The following DOCK3 variants were observed in gnomAD, a reference collection of about 807,000 sequenced individuals.
DOCK3 encodes the protein dedicator of cytokinesis 3.
DOCK3 carries 60 observed loss-of-function variants against 265.6 expected under a neutral mutation model. That is an observed-to-expected ratio of 0.23 (90% CI 0.18 to 0.28). The LOEUF (loss-of-function observed/expected upper bound fraction) is 0.28, where lower values mean the gene tolerates loss of function less well. Ranked by LOEUF, DOCK3 falls within the 10% of genes least tolerant of loss-of-function variation. The pLI is 1.00. For missense variants in DOCK3, 1,981 were observed against 2,594.3 expected, an observed-to-expected ratio of 0.76 and a Z score of 5.14; for synonymous variants, 881 against 938.0, an observed-to-expected ratio of 0.94 and a Z score of 1.11.
intron 5 of DOCK3, among the ~76,000 whole-genome samples, chr3:51,008,627 C>T (rs1014146891): frequency 2.6e-5 from 4 of 152,186 alleles, no homozygotes; most frequent in African/African-American, 7.2e-5. Flanking sequence ...ATTTCTTTCT[C>T]TTGCCTGATT....
chr3:50,972,996 G>A lies in DOCK3; in HGVS notation c.315+38919G>A, dbSNP rs118098222. Reference sequence around the variant, plus strand: ...TTCACTGAATCTGTAGGTTTTGGGGGAAGTATGGTCATTTTAACAATATTC... The same window carrying A: ...TTCACTGAATCTGTAGGTTTTGGGGAAAGTATGGTCATTTTAACAATATTC... On this transcript the variant is annotated intron_variant, in intron 5 of 52. Coordinates refer to ENST00000266037, the MANE Select transcript of DOCK3 (RefSeq NM_004947.5). Among the ~76,000 whole-genome samples the A allele has an allele frequency of 8.0e-4, 102 of 127,206 alleles. 1 individual carries two copies. The East Asian group carries it at 0.022, about 28-fold the overall frequency. 83.5% of individuals were successfully genotyped at this position (127,206 alleles called of 152,430 possible). A position where few individuals can be genotyped will look rare whatever the true frequency, so the allele number is the denominator to read the frequency against.
intron 22 of DOCK3, among the ~76,000 whole-genome samples, chr3:51,257,301 A>G (rs1337367587): frequency 1.3e-5 from 2 of 152,170 alleles, no homozygotes; most frequent in African/African-American, 2.4e-5. Context: ...CATAGGATGC[A>G]TGCTCCTGGC....
chr3:51,227,814 A>C (rs1458369941), intron 16 of DOCK3, among the ~76,000 whole-genome samples, 168 bp from the exon 17 acceptor site: 1 of 152,172 alleles, frequency 6.6e-6, no homozygotes, highest in Non-Finnish European at 1.5e-5. Flanking sequence ...CTTGAGTATG[A>C]ATGGAAACTC....
intron 3 of DOCK3, among the ~76,000 whole-genome samples, chr3:50,854,087 T>C (rs928041265): frequency 6.6e-6 from 1 of 152,164 alleles, no homozygotes; most frequent in Non-Finnish European, 1.5e-5. Flanking sequence ...TTTTTTCACG[T>C]ATGTTGGCTG....
intron 1 of DOCK3, among the ~76,000 whole-genome samples, chr3:50,729,896 G>A (rs2038086671): frequency 6.9e-6 from 1 of 145,226 alleles, no homozygotes; most frequent in African/African-American, 2.6e-5. Flanking sequence ...GTGGCACAGT[G>A]TAACCTCTGC....
At chr3:51,007,856 A>G (rs1251232959) in intron 5 of DOCK3, among the ~76,000 whole-genome samples, 1 of 152,004 alleles carries the variant, frequency 6.6e-6, no homozygotes, top group African/African-American at 2.4e-5. Context: ...CAGTTTTCCC[A>G]GCACCATTTA....
intron 3 of DOCK3, among the ~76,000 whole-genome samples, chr3:50,878,791 C>G (rs1045584693): frequency 6.6e-6 from 1 of 152,170 alleles, no homozygotes; most frequent in Non-Finnish European, 1.5e-5. Flanking sequence ...CACAAATATA[C>G]TCCTCGAGAA....
At chr3:51,363,505 T>G (rs560827758) in intron 49 of DOCK3, among the ~76,000 whole-genome samples, 1 of 152,278 alleles carries the variant, frequency 6.6e-6, no homozygotes, top group South Asian at 2.1e-4. Flanking sequence ...TATTTTATTA[T>G]ACTTTAAGTT....
intron 1 of DOCK3, among the ~76,000 whole-genome samples, chr3:50,723,402 G>A (rs2037598495): frequency 1.3e-5 from 2 of 152,296 alleles, no homozygotes; most frequent in South Asian, 4.1e-4. Context: ...TGGGTGTGGT[G>A]GCTCATGCCT....
At chr3:50,820,824 C>CTTTTT (rs56022017) in intron 2 of DOCK3, among the ~76,000 whole-genome samples, 1 of 131,230 alleles carries the variant, frequency 7.6e-6, no homozygotes, top group Non-Finnish European at 1.6e-5. Flanking sequence ...TTGCTGGCAT[C>CTTTTT]TTTTTTTTTT....
At chr3:50,821,999 T>A (rs899024725) in intron 2 of DOCK3, among the ~76,000 whole-genome samples, 3 of 152,324 alleles carry the variant, frequency 2.0e-5, no homozygotes, top group Admixed American at 6.5e-5. Flanking sequence ...CTCCTTTTTT[T>A]AATTCCATAT....
chr3:50,773,497 A>C (rs1196541977), intron 1 of DOCK3, among the ~76,000 whole-genome samples: 3 of 152,168 alleles, frequency 2.0e-5, no homozygotes, highest in African/African-American at 7.2e-5. Context: ...GCTGTTGTTA[A>C]TTTACATGTT....
At chr3:51,206,440 C>A (rs2089213362) in intron 12 of DOCK3, among the ~76,000 whole-genome samples, 1 of 151,908 alleles carries the variant, frequency 6.6e-6, no homozygotes, top group African/African-American at 2.4e-5. Context: ...TTCTAGAAAT[C>A]AGAATTCAGT....
intron 4 of DOCK3, among the ~76,000 whole-genome samples, chr3:50,913,118 G>A (rs1050178030): frequency 6.6e-6 from 1 of 152,208 alleles, no homozygotes; most frequent in Middle Eastern, 3.4e-3. Context: ...TAGTACCTGG[G>A]TATCACTGGT....
intron 9 of DOCK3, among the ~76,000 whole-genome samples, chr3:51,126,467 T>C (rs549997890): frequency 1.3e-4 from 20 of 152,214 alleles, no homozygotes; most frequent in African/African-American, 4.3e-4. Flanking sequence ...ATGGGTGTGA[T>C]TAGCAAAACA....
intron 12 of DOCK3, among the ~76,000 whole-genome samples, chr3:51,162,038 T>G (rs2086167158): frequency 6.6e-6 from 1 of 152,190 alleles, no homozygotes; most frequent in Non-Finnish European, 1.5e-5. Flanking sequence ...AGACACAAAT[T>G]GTAGTGCTAA....
intron 5 of DOCK3, among the ~76,000 whole-genome samples, chr3:50,981,446 G>A (rs527531999): frequency 2.7e-4 from 41 of 152,292 alleles, no homozygotes; most frequent in African/African-American, 9.6e-4. Flanking sequence ...TGGAGAAAAT[G>A]TTCTGTCTTA....
At position 51,361,008 on chromosome 3, in the gene DOCK3, A is replaced by T. The variant is rs1334786075; in HGVS notation, c.5006+376A>T. ...ACTCTGAGTAGAGCCAAGTGGCTGG[A>T]GTGCCGGATTCCAGGGCACGGAAAG... On this transcript the variant is annotated intron_variant, in intron 47 of 52. Coordinates refer to ENST00000266037, the MANE Select transcript of DOCK3 (RefSeq NM_004947.5). The surrounding 1 kb of genome is among the most constrained non-coding windows in gnomAD (Gnocchi z 4.2). 6.6e-6 allele frequency among the ~76,000 whole-genome samples: 1 copy of T among 152,200 alleles called. No homozygotes were observed. Among genetic ancestry groups the T allele is most frequent in the African/African-American group, 2.4e-5 (1 of 41,444 alleles).
At chr3:50,984,603 T>C (rs2077825232) in intron 5 of DOCK3, among the ~76,000 whole-genome samples, 1 of 152,224 alleles carries the variant, frequency 6.6e-6, no homozygotes, top group Non-Finnish European at 1.5e-5. Flanking sequence ...ACTGTTAGTC[T>C]GATGGGGGTT....
Sources: gnomAD v4.1 joint callset for allele counts (sites outside exome capture counted in the v4.1 genomes callset) on GRCh38, gnomAD v4.1.1 for gene constraint, Gnocchi (gnomAD v3.1) non-coding constraint, MANE v1.5 for transcripts, NCBI Gene and HGNC (gene_info 2026-07-23, HGNC 2026-07-21) for gene names.